DPP6: variants seen among roughly 807,000 people sequenced by gnomAD.
DPP6 encodes the protein A-type potassium channel modulatory protein DPP6.
Under a neutral mutation model 122.6 loss-of-function variants are expected in DPP6, and 69 were observed. The ratio of observed to expected loss-of-function variants is 0.56; its 90% CI spans 0.46 to 0.69. The LOEUF is 0.69. Ranked by LOEUF, DPP6 falls within the 30% of genes least tolerant of loss-of-function variation. The pLI is 0.00. For synonymous variants in DPP6, 418 were observed against 433.1 expected, an observed-to-expected ratio of 0.97 and a Z score of 0.43; for missense variants, 928 against 1,116.9, an observed-to-expected ratio of 0.83 and a Z score of 2.41.
intron 1 of DPP6, among the ~76,000 whole-genome samples, chr7:153,898,238 A>C (rs1210491223): frequency 3.9e-5 from 6 of 152,174 alleles, no homozygotes; most frequent in African/African-American, 1.4e-4. Flanking sequence ...GAATTACTTG[A>C]GTCTAGGAGT....
chr7:154,551,043 C>G (rs1586606579), intron 4 of DPP6, among the ~76,000 whole-genome samples: 1 of 151,782 alleles, frequency 6.6e-6, no homozygotes, highest in Non-Finnish European at 1.5e-5. Flanking sequence ...CTTTTTTTGC[C>G]CCTATGGGTA....
At chr7:154,854,630 C>G (rs1262627744) in intron 17 of DPP6, among the ~76,000 whole-genome samples, 2 of 152,136 alleles carry the variant, frequency 1.3e-5, no homozygotes, top group Non-Finnish European at 2.9e-5. Context: ...GAAGCCTGGT[C>G]AAGAAGAGGA....
At chr7:153,960,715 A>G (rs1465021938) in intron 1 of DPP6, among the ~76,000 whole-genome samples, 1 of 56,108 alleles carries the variant, frequency 1.8e-5, no homozygotes, top group African/African-American at 1.9e-4. Flanking sequence ...ATGTGTGTGC[A>G]TGCGTGTGTG....
At chr7:154,512,292 C>T (rs965630556) in intron 3 of DPP6, among the ~76,000 whole-genome samples, 1 of 152,132 alleles carries the variant, frequency 6.6e-6, no homozygotes, top group Non-Finnish European at 1.5e-5. Flanking sequence ...TTATTTTTCT[C>T]TATTCCTGGT....
intron 1 of DPP6, among the ~76,000 whole-genome samples, chr7:154,347,192 C>A (rs1448146921): frequency 6.6e-6 from 1 of 152,204 alleles, no homozygotes; most frequent in Non-Finnish European, 1.5e-5. Context: ...TTACCATTAT[C>A]CTTCCAGTCT....
At position 154,188,312 on chromosome 7, in the gene DPP6, T is replaced by C. The variant is rs546875564; in HGVS notation, c.243+135249T>C. 5.3e-5 allele frequency among the ~76,000 whole-genome samples: 8 copies of C among 151,952 alleles called. No individual in the cohort carries two copies. The East Asian group carries it at 7.7e-4, about 15-fold the overall frequency. ...GATGAAACAAGTGAAAAAAATACTT[T>C]CCCCCCCAAATATATTTGTCTTGGC... is the stretch of plus-strand genomic sequence containing the variant. On this transcript the variant is annotated intron_variant, in intron 1 of 25. Transcript: ENST00000377770.
At chr7:154,408,476 T>C (rs1028322681) in intron 1 of DPP6, among the ~76,000 whole-genome samples, 3 of 152,166 alleles carry the variant, frequency 2.0e-5, no homozygotes, top group Non-Finnish European at 4.4e-5. Context: ...ATTGGAATAA[T>C]GTTAGATTTA....
intron 5 of DPP6, among the ~76,000 whole-genome samples, chr7:154,571,441 A>T (rs1476381919): frequency 6.6e-6 from 1 of 152,216 alleles, no homozygotes; most frequent in African/African-American, 2.4e-5. Context: ...AACTATGCCA[A>T]CCCTATGTAT....
chr7:154,309,260 G>A (rs182124884), intron 1 of DPP6, among the ~76,000 whole-genome samples: 3 of 152,214 alleles, frequency 2.0e-5, no homozygotes, highest in East Asian at 3.9e-4. Flanking sequence ...CCTTGTATAT[G>A]TGACTGCTGT....
At chr7:154,396,379 C>G (rs541177549) in intron 1 of DPP6, among the ~76,000 whole-genome samples, 2 of 152,148 alleles carry the variant, frequency 1.3e-5, no homozygotes, top group South Asian at 2.1e-4. Flanking sequence ...AGCTGTGCTA[C>G]ACGTGTGGAC....
chr7:154,471,077 C>G (rs1563723032), intron 2 of DPP6, among the ~76,000 whole-genome samples: 1 of 152,040 alleles, frequency 6.6e-6, no homozygotes, highest in African/African-American at 2.4e-5. Flanking sequence ...ATAGTGAAAC[C>G]CTGTCTCTAC....
chr7:153,794,814 C>T, the DPP6 span, among the ~76,000 whole-genome samples: 1 of 152,166 alleles, frequency 6.6e-6, no homozygotes, highest in African/African-American at 2.4e-5. Context: ...ATGCTATTCT[C>T]ATAATAGTGA....
intron 8 of DPP6, among the ~76,000 whole-genome samples, chr7:154,741,038 T>G (rs1429925293): frequency 6.6e-6 from 1 of 152,228 alleles, no homozygotes; most frequent in Non-Finnish European, 1.5e-5. Flanking sequence ...CAGAGCTCCC[T>G]GCACTTGCAG....
rs542191130 is a variant in DPP6 at position 154,718,634 on chromosome 7, CTTT to C, written c.763-9113_763-9111del. On this transcript the variant is annotated intron_variant, in intron 7 of 25. Transcript: ENST00000377770. Reference sequence around the variant, plus strand: ...TGCCTGGGTTTTAGACTTCCTCCTCCTTTTTTTTTTTTTTTTTTTTTTGAGACT... The same window carrying C: ...TGCCTGGGTTTTAGACTTCCTCCTCCTTTTTTTTTTTTTTTTTTTGAGACT... Among the ~76,000 whole-genome samples the C allele has an allele frequency of 9.8e-3, 1,093 of 111,452 alleles. 18 individuals are homozygous for C. Among genetic ancestry groups the C allele is most frequent in the African/African-American group, 0.036 (929 of 25,862 alleles). The allele number at this position is 111,452 out of a possible 152,430, so 73.1% of individuals were successfully genotyped here.
chr7:154,158,550 T>C (rs949766986), intron 1 of DPP6, among the ~76,000 whole-genome samples: 10 of 151,950 alleles, frequency 6.6e-5, no homozygotes, highest in African/African-American at 2.4e-4. Context: ...TTTTGTTCTT[T>C]TTGAATTCTT....
intron 1 of DPP6, among the ~76,000 whole-genome samples, chr7:153,945,924 A>G (rs956120566): frequency 6.6e-6 from 1 of 152,180 alleles, no homozygotes; most frequent in Non-Finnish European, 1.5e-5. Context: ...CAGTTGATCA[A>G]ATTCCTAAGT....
intron 1 of DPP6, among the ~76,000 whole-genome samples, chr7:154,097,550 C>T (rs78508175): frequency 0.087 from 13,288 of 152,070 alleles, 581 homozygotes; most frequent in Middle Eastern, 0.14. Flanking sequence ...AGAATTATTA[C>T]ATATTTAAAA....
chr7:154,188,592 A>C (rs75510019), intron 1 of DPP6, among the ~76,000 whole-genome samples: 5,393 of 149,534 alleles, frequency 0.036, 131 homozygotes, highest in South Asian at 0.08. Flanking sequence ...GAGGACCCCT[A>C]ACCCTGTCAT....
chr7:154,650,650 G>C (rs1280025674), intron 6 of DPP6, among the ~76,000 whole-genome samples: 1 of 152,168 alleles, frequency 6.6e-6, no homozygotes, highest in African/African-American at 2.4e-5. Context: ...AGGACCCTCA[G>C]CTCAGTCACA....
Sources: allele counts gnomAD v4.1 joint callset (sites outside exome capture counted in the v4.1 genomes callset), GRCh38; gene constraint gnomAD v4.1.1; transcripts MANE v1.5; gene names NCBI Gene and HGNC (gene_info 2026-07-23, HGNC 2026-07-21).